VAMP7: variants seen among roughly 807,000 people sequenced by gnomAD.
VAMP7 encodes the protein vesicle-associated membrane protein 7.
In VAMP7, 14 loss-of-function variants were observed where a neutral mutation model predicts 29.6. The observed-to-expected ratio is 0.47, with a 90% CI of 0.31 to 0.74. The LOEUF is 0.74. Ranked by LOEUF, VAMP7 falls within the 30% of genes least tolerant of loss-of-function variation. The pLI, the probability that VAMP7 is intolerant of heterozygous loss-of-function variation, is 0.05. For missense variants in VAMP7, 223 were observed against 262.4 expected (o/e 0.85, Z 1.04); for synonymous variants, 95 against 88.1 (o/e 1.08, Z -0.44).
chrX:155,908,684 T>C (rs1185544354), intron 5 of VAMP7, among the ~76,000 whole-genome samples: 1 of 152,156 alleles, frequency 6.6e-6, no homozygotes, highest in Non-Finnish European at 1.5e-5. Flanking sequence ...TTTTCTTCTA[T>C]TTTGGAAAGA....
Position 155,908,650 on chromosome X carries a change from A to C in VAMP7, c.433+8063A>C, listed in dbSNP as rs2066188162. The stretch of plus-strand genomic sequence containing the variant: ...GATACCAGGGTAATGCTGGGCTCAT[A>C]GAATGAGTCAAGAAGTGTTCCCCTT... On this transcript the variant is annotated intron_variant, in intron 5 of 7. Coordinates refer to ENST00000286448, the MANE Select transcript of VAMP7 (RefSeq NM_005638.6). Among the ~76,000 whole-genome samples, 5 of 152,132 alleles carry C rather than the reference A, an allele frequency of 3.3e-5. No homozygotes were observed. The South Asian group carries it at 1.0e-3, about 32-fold the overall frequency.
intron 6 of VAMP7, among the ~76,000 whole-genome samples, chrX:155,938,012 T>C (rs183704960): frequency 8.5e-5 from 13 of 152,350 alleles, no homozygotes; most frequent in South Asian, 4.1e-4. Flanking sequence ...TGCCATTTTA[T>C]TAAAATATAG....
intron 6 of VAMP7, among the ~76,000 whole-genome samples, chrX:155,929,803 G>A (rs1283145450): frequency 6.6e-5 from 10 of 152,214 alleles, no homozygotes; most frequent in East Asian, 1.9e-4. Context: ...ATCCACTCAC[G>A]CTGGAGCCAT....
intron 4 of VAMP7, among the ~76,000 whole-genome samples, chrX:155,899,666 CT>C (rs988424432): frequency 4.6e-5 from 7 of 151,926 alleles, no homozygotes; most frequent in African/African-American, 1.7e-4. Context: ...AAATGTTCAT[CT>C]GTGTAAAACT....
intron 6 of VAMP7, among the ~76,000 whole-genome samples, chrX:155,931,642 T>C (rs962126292): frequency 3.3e-5 from 5 of 152,162 alleles, no homozygotes; most frequent in African/African-American, 1.2e-4. Context: ...ATTGCAAAAC[T>C]TTTCTCCCAC....
intron 5 of VAMP7, among the ~76,000 whole-genome samples, chrX:155,916,171 T>C (rs1443952075): frequency 1.3e-5 from 2 of 152,218 alleles, no homozygotes; most frequent in Non-Finnish European, 2.9e-5. Flanking sequence ...GAGACTAGGA[T>C]TGCAGCCACT....
chrX:155,891,124 T>TA (rs1408100054), intron 2 of VAMP7, among the ~76,000 whole-genome samples: 1 of 152,204 alleles, frequency 6.6e-6, no homozygotes, highest in Non-Finnish European at 1.5e-5. Flanking sequence ...AGCTTCCACT[T>TA]ACATCTTACT....
chrX:155,933,811 T>G (rs765774650), intron 6 of VAMP7, among the ~76,000 whole-genome samples: 1 of 152,322 alleles, frequency 6.6e-6, no homozygotes, highest in Admixed American at 6.5e-5. Context: ...ATTTTATATC[T>G]TTCCTGCTTC....
At chrX:155,903,399 A>G (rs1235825015) in intron 5 of VAMP7, among the ~76,000 whole-genome samples, 1 of 152,142 alleles carries the variant, frequency 6.6e-6, no homozygotes, top group Non-Finnish European at 1.5e-5. Context: ...AAAAGAAACT[A>G]CTATCAGAGT....
intron 6 of VAMP7, among the ~76,000 whole-genome samples, chrX:155,938,333 C>G (rs368989694): frequency 5.0e-4 from 76 of 152,300 alleles, no homozygotes; most frequent in African/African-American, 1.7e-3. Flanking sequence ...CCTGTGCAGT[C>G]TTCATGAAGT....
At chrX:155,933,520 G>A (rs1603016015) in intron 6 of VAMP7, among the ~76,000 whole-genome samples, 2 of 152,286 alleles carry the variant, frequency 1.3e-5, no homozygotes, top group South Asian at 4.2e-4. Context: ...TCTGATGGTA[G>A]TTTGTATTTC....
At chrX:155,928,031 G>A (rs751292508) in intron 6 of VAMP7, among the ~76,000 whole-genome samples, 1 of 151,690 alleles carries the variant, frequency 6.6e-6, no homozygotes, top group African/African-American at 2.4e-5. Flanking sequence ...TGATCCTCCT[G>A]CCTTGCCTCA....
intron 6 of VAMP7, among the ~76,000 whole-genome samples, chrX:155,933,946 T>C (rs1456309681): frequency 2.0e-5 from 3 of 152,238 alleles, no homozygotes; most frequent in Non-Finnish European, 4.4e-5. Context: ...TCTGCATTCA[T>C]TTCGTTATGT....
At chrX:155,892,607 G>T (rs1046066381) in intron 2 of VAMP7, among the ~76,000 whole-genome samples, 3 of 151,804 alleles carry the variant, frequency 2.0e-5, no homozygotes, top group African/African-American at 4.8e-5. Context: ...ATCTCACTTT[G>T]TGTGCCTGAG....
At chrX:155,934,439 C>A (rs1046068254) in intron 6 of VAMP7, among the ~76,000 whole-genome samples, 1 of 152,136 alleles carries the variant, frequency 6.6e-6, no homozygotes. Context: ...GAATTGATCC[C>A]TTTACCATTA....
intron 5 of VAMP7, among the ~76,000 whole-genome samples, chrX:155,905,546 T>A (rs1283267427): frequency 2.0e-5 from 3 of 152,204 alleles, no homozygotes; most frequent in Non-Finnish European, 4.4e-5. Flanking sequence ...GCTCTTACAT[T>A]TCTATCTATG....
At chrX:155,895,144 G>A (rs1273321019) in intron 2 of VAMP7, among the ~76,000 whole-genome samples, 1 of 152,106 alleles carries the variant, frequency 6.6e-6, no homozygotes. Flanking sequence ...TGAAGACTGG[G>A]ACTTGGTGGT....
chrX:155,889,471 C>T lies in VAMP7; in HGVS notation c.5C>T (p.Ala2Val), dbSNP rs749628563. 3.7e-5 allele frequency: 60 copies of T among 1,612,840 alleles called. No individual in the cohort carries two copies. The highest frequency in any genetic ancestry group is 1.7e-4 in the Middle Eastern group (1 of 6,046). ...TCCTTTTGATAGACTGAAGCCATGGCGATTCTTTTTGCTGTTGTTGCCAGG... is the reference window on the plus strand; with the variant it reads ...TCCTTTTGATAGACTGAAGCCATGGTGATTCTTTTTGCTGTTGTTGCCAGG... M[A>V]ILFAVVARGT... Residue 2 changes from alanine (A) to valine (V), a missense_variant, in exon 2 of 8, where the codon GCG (alanine) becomes GTG (valine). Ala to Val is a moderately conservative substitution (Grantham distance 64, BLOSUM62 0). Coordinates refer to ENST00000286448, the MANE Select transcript of VAMP7 (RefSeq NM_005638.6).
chrX:155,934,806 T>C (rs895311533), intron 6 of VAMP7, among the ~76,000 whole-genome samples: 25 of 152,198 alleles, frequency 1.6e-4, no homozygotes, highest in Admixed American at 1.6e-3. Context: ...TGATGGTCTT[T>C]ACAATTTGGC....
Sources: allele counts gnomAD v4.1 joint callset (sites outside exome capture counted in the v4.1 genomes callset), GRCh38; gene constraint gnomAD v4.1.1; transcripts MANE v1.5; gene names NCBI Gene and HGNC (gene_info 2026-07-23, HGNC 2026-07-21).